APOO: variants seen among roughly 807,000 people sequenced by gnomAD.
APOO encodes the protein MICOS complex subunit MIC26.
APOO carries 11 observed loss-of-function variants against 23.1 expected under a neutral mutation model. The ratio of observed to expected loss-of-function variants is 0.48; its 90% confidence interval spans 0.30 to 0.79. The LOEUF (loss-of-function observed/expected upper bound fraction) is 0.79. APOO is among the 30% of genes least tolerant of loss of function. The pLI, the probability that APOO is intolerant of heterozygous loss-of-function variation, is 0.07. For synonymous variants in APOO, 59 were observed against 54.8 expected (o/e 1.08, Z -0.34); for missense variants, 160 against 142.7 (o/e 1.12, Z -0.62).
intron 1 of APOO, 47 bp from the exon 2 acceptor site, chrX:23,880,999 T>TATGCTCATGTTCTGCACATTCG: frequency 1.1e-6 from 1 of 908,914 alleles, no homozygotes; most frequent in Non-Finnish European, 1.5e-6. Flanking sequence ...ACAGACCGAA[T>TATGCTCATGTTCTGCACATTCG]GTGCAGAACA....
intron 5 of APOO, among the ~76,000 whole-genome samples, chrX:23,863,701 C>T (rs1211039305): frequency 2.7e-5 from 3 of 110,509 alleles, no homozygotes; most frequent in Non-Finnish European, 5.7e-5. Context: ...GAGAAGATGA[C>T]ATGGAACCCA....
chrX:23,851,875 A>T (rs1315473673), intron 7 of APOO, among the ~76,000 whole-genome samples: 1 of 112,040 alleles, frequency 8.9e-6, no homozygotes, highest in Non-Finnish European at 1.9e-5. Flanking sequence ...TACCGTTAAG[A>T]ATTGTGCCAT....
intron 1 of APOO, among the ~76,000 whole-genome samples, chrX:23,895,204 C>T (rs941145868): frequency 1.8e-5 from 2 of 111,098 alleles, no homozygotes; most frequent in African/African-American, 3.3e-5. Flanking sequence ...GGCATCTGTA[C>T]GCCTATGTTT....
chrX:23,847,436 C>G (rs1393949863), intron 7 of APOO, among the ~76,000 whole-genome samples: 2 of 110,035 alleles, frequency 1.8e-5, no homozygotes, highest in Non-Finnish European at 3.8e-5. Context: ...ATCATCCTGG[C>G]TAACACGGTG....
intron 2 of APOO, among the ~76,000 whole-genome samples, chrX:23,880,384 A>G (rs966953554): frequency 1.8e-5 from 2 of 112,079 alleles, no homozygotes; most frequent in African/African-American, 6.5e-5. Context: ...AACAAACTAT[A>G]AGGAAATATA....
Position 23,849,583 on chromosome X carries a change from T to TAAAAAAAAAAAAAAAAAAAAAAAAAA in APOO, c.561+6693_561+6718dup, listed in dbSNP as rs143362355. ...GGGAGCCTGTAGATTAAGAGAGACTTAAAAAAAAAAAAAAAAAAAAAAAAA... is the reference window on the plus strand; with the variant it reads ...GGGAGCCTGTAGATTAAGAGAGACTTAAAAAAAAAAAAAAAAAAAAAAAAAAAAAAAAAAAAAAAAAAAAAAAAAAA... On this transcript the variant is annotated intron_variant, in intron 7 of 8. Transcript: ENST00000379226. Among the ~76,000 whole-genome samples the TAAAAAAAAAAAAAAAAAAAAAAAAAA allele has an allele frequency of 7.1e-4, 23 of 32,593 alleles. 3 individuals carry two copies. Among genetic ancestry groups the TAAAAAAAAAAAAAAAAAAAAAAAAAA allele is most frequent in the Non-Finnish European group, 1.1e-3 (22 of 19,533 alleles). The allele number at this position is 32,593 out of a possible 115,157, so 28.3% of individuals were successfully genotyped here.
chrX:23,893,018 A>G (rs1296197571), intron 1 of APOO, among the ~76,000 whole-genome samples: 1 of 110,803 alleles, frequency 9.0e-6, no homozygotes, highest in East Asian at 2.8e-4. Flanking sequence ...AAAAAGAACT[A>G]TGTGAAAGAA....
chrX:23,894,346 C>T (rs375143865), intron 1 of APOO, among the ~76,000 whole-genome samples: 2 of 108,575 alleles, frequency 1.8e-5, no homozygotes, highest in South Asian at 4.0e-4. Context: ...GGTTTTGCCA[C>T]GTTGGCCAGG....
chrX:23,885,727 TCTC>T (rs1926342308), intron 1 of APOO, among the ~76,000 whole-genome samples: 1 of 111,004 alleles, frequency 9.0e-6, no homozygotes, highest in Admixed American at 9.7e-5. Context: ...TTCTTCCTCT[TCTC>T]CTATTAGTTT....
At chrX:23,867,488 T>C (rs1448465103) in intron 5 of APOO, among the ~76,000 whole-genome samples, 1 of 112,122 alleles carries the variant, frequency 8.9e-6, no homozygotes, top group Non-Finnish European at 1.9e-5. Flanking sequence ...TCAACAGAAA[T>C]AGATGCTGAT....
rs969032515 is a variant in APOO at position 23,878,949 on chromosome X, C to T, written c.203G>A (p.Arg68Gln). Residue 68 changes from arginine to glutamine, a missense_variant, in exon 3 of 9, where the codon CGA becomes CAA. Physicochemically the swap from Arg to Gln is conservative, Grantham distance 43. Coordinates refer to ENST00000379226, the MANE Select transcript of APOO (RefSeq NM_024122.5). ...SQLEESISQL[R>Q]HYCEPYTTWC... ...GGTTGTGTATGGCTCGCAATAGTGT[C>T]GGAGCTGTGAGATGCTTTCTTCAAG... 3.3e-6 allele frequency: 4 copies of T among 1,211,256 alleles called. No individual in the cohort carries two copies. Among genetic ancestry groups the T allele is most frequent in the East Asian group, 3.0e-5 (1 of 33,843 alleles).
intron 6 of APOO, 38 bp downstream of exon 6, chrX:23,858,604 A>G: frequency 8.8e-7 from 1 of 1,138,673 alleles, no homozygotes; most frequent in South Asian, 1.9e-5. Context: ...CACACAAACA[A>G]GAATGAGGGA....
chrX:23,862,696 C>T (rs1925120649), intron 5 of APOO, among the ~76,000 whole-genome samples: 1 of 104,381 alleles, frequency 9.6e-6, no homozygotes, highest in African/African-American at 3.5e-5. Flanking sequence ...TTGCTTGAGC[C>T]TGAGGAGGTC....
At chrX:23,890,130 G>C (rs1235798460) in intron 1 of APOO, among the ~76,000 whole-genome samples, 1 of 111,596 alleles carries the variant, frequency 9.0e-6, no homozygotes, top group Non-Finnish European at 1.9e-5. Context: ...GTTTGTATAA[G>C]CACTCAAACA....
chrX:23,841,121 G>A (rs1923950735), intron 7 of APOO, among the ~76,000 whole-genome samples: 1 of 111,907 alleles, frequency 8.9e-6, no homozygotes, highest in African/African-American at 3.2e-5. Context: ...GGCCATGGGG[G>A]CTAAGATTCT....
At chrX:23,837,360 T>C (rs947034459) in intron 8 of APOO, 2 of 822,615 alleles carry the variant, frequency 2.4e-6, no homozygotes, top group Non-Finnish European at 3.5e-6. Flanking sequence ...AATTTCTTTA[T>C]GTATGATAAT....
intron 5 of APOO, among the ~76,000 whole-genome samples, chrX:23,863,566 T>C (rs927486051): frequency 2.7e-5 from 3 of 111,730 alleles, no homozygotes; most frequent in Non-Finnish European, 5.6e-5. Flanking sequence ...AACCAAACTG[T>C]CACATGGTAT....
chrX:23,861,237 C>T (rs772566727), intron 5 of APOO, among the ~76,000 whole-genome samples: 1 of 111,259 alleles, frequency 9.0e-6, no homozygotes, highest in Non-Finnish European at 1.9e-5. Context: ...GATGGTTTAA[C>T]ACCATTCCCT....
intron 5 of APOO, among the ~76,000 whole-genome samples, chrX:23,865,034 G>T (rs1208892341): frequency 9.0e-6 from 1 of 111,465 alleles, no homozygotes; most frequent in African/African-American, 3.3e-5. Context: ...ATACTCCCCT[G>T]CCCCCACCTC....
Sources: allele counts gnomAD v4.1 joint callset (sites outside exome capture counted in the v4.1 genomes callset), GRCh38; gene constraint gnomAD v4.1.1; transcripts MANE v1.5; gene names NCBI Gene and HGNC (gene_info 2026-07-23, HGNC 2026-07-21).